Variants in PIK3R3 observed in about 807,000 individuals in gnomAD.
PIK3R3 encodes phosphoinositide-3-kinase regulatory subunit 3.
PIK3R3 carries 64 observed loss-of-function variants against 62.9 expected under a neutral mutation model. The observed-to-expected ratio is 1.02, with a 90% CI of 0.83 to 1.25. The LOEUF (loss-of-function observed/expected upper bound fraction) is 1.25. PIK3R3 is among the 50% of genes most tolerant of loss of function. PIK3R3 has a pLI of 0.00. For missense variants in PIK3R3, 614 were observed against 561.6 expected, an observed-to-expected ratio of 1.09 and a Z score of -0.94; for synonymous variants, 165 against 189.0, an observed-to-expected ratio of 0.87 and a Z score of 1.04.
chr1:46,158,343 C>A, the PIK3R3 span, among the ~76,000 whole-genome samples: 2 of 152,202 alleles, frequency 1.3e-5, no homozygotes, highest in African/African-American at 4.8e-5. Context: ...CTCTATCAGG[C>A]AGTTTCCCCC....
chr1:46,127,462 T>G (rs1008663422), intron 1 of PIK3R3, among the ~76,000 whole-genome samples: 4 of 152,034 alleles, frequency 2.6e-5, no homozygotes, highest in African/African-American at 9.7e-5. Context: ...GGAAGTTATT[T>G]ATTACATTTT....
At chr1:46,127,374 T>TAA (rs1655190487) in intron 1 of PIK3R3, among the ~76,000 whole-genome samples, 1 of 147,606 alleles carries the variant, frequency 6.8e-6, no homozygotes, top group Non-Finnish European at 1.5e-5. Flanking sequence ...TATATATACA[T>TAA]AATTTCAGAA....
upstream of PIK3R3, chr1:46,132,709 G>T (rs1223143522): frequency 4.7e-6 from 6 of 1,288,966 alleles, no homozygotes; most frequent in South Asian, 6.2e-5. Context: ...CCGCTGAGGC[G>T]CCACCCAACC....
upstream of PIK3R3, among the ~76,000 whole-genome samples, chr1:46,135,313 C>G (rs1655889835): frequency 6.6e-6 from 1 of 152,142 alleles, no homozygotes; most frequent in Non-Finnish European, 1.5e-5. Context: ...ACTTTGGGAG[C>G]TGCTTGTTTT....
chr1:46,109,307 G>T (rs1209138209), intron 1 of PIK3R3, among the ~76,000 whole-genome samples: 2 of 151,966 alleles, frequency 1.3e-5, no homozygotes, highest in African/African-American at 4.8e-5. Flanking sequence ...TTGGAATTTG[G>T]CTTCTACCCT....
the PIK3R3 span, among the ~76,000 whole-genome samples, chr1:46,142,840 G>A: frequency 6.6e-6 from 1 of 152,220 alleles, no homozygotes; most frequent in Non-Finnish European, 1.5e-5. Flanking sequence ...TGTACTTTAT[G>A]CTCAAGCAAT....
rs148330514 is a variant in PIK3R3, at chr1:46,093,630, A to G, written c.107-12880T>C. Among the ~76,000 whole-genome samples, 17 of 152,140 alleles carry G rather than the reference A, an allele frequency of 1.1e-4. 1 individual carries two copies. In the East Asian group the frequency reaches 3.3e-3, roughly 29 times the overall value. ...GTCAGCCAAGTGTGGTGGCTCATGC[A>G]TGTAATCCTAGCACTTTGGGAGGCC... is the stretch of plus-strand genomic sequence containing the variant. On this transcript the variant is annotated intron_variant, in intron 1 of 9. Transcript: ENST00000262741.
Position 46,096,201 on chromosome 1 carries a change from A to C in PIK3R3, c.107-15451T>G, listed in dbSNP as rs76772770. 2.3e-3 allele frequency among the ~76,000 whole-genome samples: 349 copies of C among 152,368 alleles called. 11 individuals are homozygous for C. The East Asian group carries it at 0.061, about 27-fold the overall frequency. On this transcript the variant is annotated intron_variant, in intron 1 of 9. Transcript: ENST00000262741. The stretch of plus-strand genomic sequence containing the variant: ...TATTTGTTTCTTAGCATTGTTCACA[A>C]ACACACAGATGAAATTAAACTTTTT...
At chr1:46,164,607 C>T in the PIK3R3 span, among the ~76,000 whole-genome samples, 1 of 152,270 alleles carries the variant, frequency 6.6e-6, no homozygotes, top group Non-Finnish European at 1.5e-5. Flanking sequence ...ACAGCCTGGG[C>T]AACAAGAGCG....
At chr1:46,159,088 A>AAAATAAATAAATAAAT in the PIK3R3 span, among the ~76,000 whole-genome samples, 1,037 of 148,470 alleles carry the variant, frequency 7.0e-3, 4 homozygotes, top group South Asian at 0.015. Context: ...CTCCATCTCA[A>AAAATAAATAAATAAAT]AAATAAATAA....
intron 3 of PIK3R3, among the ~76,000 whole-genome samples, chr1:46,071,642 C>T (rs1649493752): frequency 7.1e-6 from 1 of 141,518 alleles, no homozygotes; most frequent in African/African-American, 2.7e-5. Flanking sequence ...TGCAATGAGC[C>T]AAGATTGCGC....
intron 7 of PIK3R3, 147 bp downstream of exon 7, chr1:46,055,648 C>T: frequency 1.6e-6 from 1 of 619,148 alleles, no homozygotes; most frequent in East Asian, 2.8e-5. Context: ...CCTACAACTA[C>T]CAAGGACACT....
At chr1:46,059,960 T>C (rs1648319142) in intron 6 of PIK3R3, among the ~76,000 whole-genome samples, 1 of 151,250 alleles carries the variant, frequency 6.6e-6, no homozygotes, top group Non-Finnish European at 1.5e-5. Context: ...ATCAGCCGGG[T>C]GTGGTGGCAT....
At chr1:46,076,414 A>C (rs773477897) in intron 3 of PIK3R3, among the ~76,000 whole-genome samples, 6 of 152,248 alleles carry the variant, frequency 3.9e-5, no homozygotes, top group Admixed American at 1.3e-4. Context: ...AATGCTGCTA[A>C]GAGGTCAAGT....
intron 5 of PIK3R3, among the ~76,000 whole-genome samples, chr1:46,063,433 T>C (rs1042203503): frequency 6.6e-6 from 1 of 152,218 alleles, no homozygotes. Context: ...AATATCTTGG[T>C]ACTAATTCTA....
At chr1:46,068,458 C>A (rs1649201677) in intron 3 of PIK3R3, among the ~76,000 whole-genome samples, 1 of 152,052 alleles carries the variant, frequency 6.6e-6, no homozygotes, top group Non-Finnish European at 1.5e-5. Context: ...TAACAAACTT[C>A]TCAAGATAGA....
chr1:46,168,067 C>T, the PIK3R3 span, among the ~76,000 whole-genome samples: 1 of 152,050 alleles, frequency 6.6e-6, no homozygotes, highest in African/African-American at 2.4e-5. Flanking sequence ...GACGCATGCA[C>T]TTGAATCTGG....
chr1:46,071,651 G>A lies in PIK3R3; in HGVS notation c.315-4560C>T, dbSNP rs184098069. Among the ~76,000 whole-genome samples the A allele has an allele frequency of 1.0e-3, 140 of 138,600 alleles. 1 individual carries two copies. The Middle Eastern group carries it at 0.037, about 36-fold the overall frequency. 90.9% of individuals were successfully genotyped at this position (138,600 alleles called of 152,430 possible). ...GGAGGTTGCAATGAGCCAAGATTGC[G>A]CGCCATTACACTCTAGCCTGAGCAA... is the stretch of plus-strand genomic sequence containing the variant. On this transcript the variant is annotated intron_variant, in intron 3 of 9. Transcript: ENST00000262741.
At chr1:46,088,651 C>A (rs1225621949) in intron 1 of PIK3R3, among the ~76,000 whole-genome samples, 2 of 151,956 alleles carry the variant, frequency 1.3e-5, no homozygotes, top group African/African-American at 2.4e-5. Context: ...ATCAGAGGAT[C>A]AACTCAGAAG....
Sources: gnomAD v4.1 joint callset for allele counts (sites outside exome capture counted in the v4.1 genomes callset) on GRCh38, gnomAD v4.1.1 for gene constraint, MANE v1.5 for transcripts, NCBI Gene and HGNC (gene_info 2026-07-23, HGNC 2026-07-21) for gene names.